Variants in PTPRT observed in about 807,000 individuals in gnomAD.
PTPRT encodes receptor-type tyrosine-protein phosphatase T.
A neutral mutation model predicts 176.8 loss-of-function variants in PTPRT; 56 were observed. That is an observed-to-expected ratio of 0.32 (90% CI 0.26 to 0.40). The LOEUF (loss-of-function observed/expected upper bound fraction) is 0.40, where lower values mean the gene tolerates loss of function less well. Ranked by LOEUF, PTPRT falls within the 10% of genes least tolerant of loss-of-function variation. The probability of loss-of-function intolerance (pLI) is 1.00; values close to 1 mark genes in which losing one functional copy is unlikely to be tolerated. For synonymous variants in PTPRT, 783 were observed against 739.0 expected (o/e 1.06, Z -0.96); for missense variants, 1,540 against 1,908.2 (o/e 0.81, Z 3.60).
At chr20:42,393,671 C>G (rs924315287) in intron 9 of PTPRT, among the ~76,000 whole-genome samples, 9 of 152,196 alleles carry the variant, frequency 5.9e-5, no homozygotes, top group Admixed American at 1.3e-4. Context: ...TATTCCTTAG[C>G]TATTTAACAT....
chr20:42,985,653 T>A (rs913218044), intron 1 of PTPRT, among the ~76,000 whole-genome samples: 10 of 152,110 alleles, frequency 6.6e-5, no homozygotes, highest in Admixed American at 1.3e-4. Flanking sequence ...ACAGACTTTT[T>A]AAAATTATAT....
At chr20:42,373,805 G>T (rs774449416) in intron 9 of PTPRT, among the ~76,000 whole-genome samples, 7 of 152,202 alleles carry the variant, frequency 4.6e-5, no homozygotes, top group Non-Finnish European at 1.0e-4. Flanking sequence ...TCCAAGTCCA[G>T]CTCTCCTTGC....
Position 43,189,680 on chromosome 20 carries a change from C to G in PTPRT, c.54G>C (p.Pro18=). 1 of 1,318,998 alleles carries G rather than the reference C, an allele frequency of 7.6e-7. No homozygotes were observed. Among genetic ancestry groups the G allele is most frequent in the Non-Finnish European group, 9.7e-7 (1 of 1,035,370 alleles). 81.7% of individuals were successfully genotyped at this position (1,318,998 alleles called of 1,614,324 possible). Residue 18 remains proline (P), a synonymous_variant, in exon 1 of 31, where the codon CCG becomes CCC. Coordinates refer to ENST00000373187, the MANE Select transcript of PTPRT (RefSeq NM_007050.6). The surrounding 1 kb of genome is among the most constrained non-coding windows in gnomAD (Gnocchi z 5.0). Reference sequence around the variant, plus strand: ...TCTGAGCCCGGGCGCCGGGCAGTGGCGGCAGCTGCAGCCTCAGGAGCAGGC... The same window carrying G: ...TCTGAGCCCGGGCGCCGGGCAGTGGGGGCAGCTGCAGCCTCAGGAGCAGGC... ...ALSLLLRLQL[P]PLPGARAQSA...
Position 42,072,918 on chromosome 20 carries a change from G to C in PTPRT, c.*7961C>G, listed in dbSNP as rs1167759831. 1 of 223,758 alleles carries C rather than the reference G, an allele frequency of 4.5e-6. No homozygotes were observed. Among genetic ancestry groups the C allele is most frequent in the Non-Finnish European group, 8.9e-6 (1 of 111,944 alleles). 13.9% of individuals were successfully genotyped at this position (223,758 alleles called of 1,614,324 possible). On this transcript the variant is annotated 3_prime_UTR_variant, in exon 31 of 31. Transcript: ENST00000373187. ...TAATGTACAGTCAAAAAATATATCT[G>C]ATATTCATTGACCTGACATTATTTA...
At chr20:42,948,725 G>T (rs1387773914) in intron 1 of PTPRT, among the ~76,000 whole-genome samples, 1 of 152,162 alleles carries the variant, frequency 6.6e-6, no homozygotes, top group East Asian at 1.9e-4. Context: ...CCCCACCCTA[G>T]AAGTTTCCAA....
At chr20:43,101,205 T>C (rs2012379996) in intron 1 of PTPRT, among the ~76,000 whole-genome samples, 1 of 152,130 alleles carries the variant, frequency 6.6e-6, no homozygotes, top group African/African-American at 2.4e-5. Context: ...TTCTTAACAA[T>C]AATACGGAAG....
intron 1 of PTPRT, among the ~76,000 whole-genome samples, chr20:42,993,127 T>C (rs1200262164): frequency 6.6e-6 from 1 of 151,984 alleles, no homozygotes; most frequent in African/African-American, 2.4e-5. Context: ...ACAGAAAATA[T>C]GTATTTGGCC....
intron 8 of PTPRT, 35 bp downstream of exon 8, chr20:42,472,231 C>G (rs1380884626): frequency 6.3e-7 from 1 of 1,597,086 alleles, no homozygotes; most frequent in Non-Finnish European, 8.5e-7. Context: ...GATTCAATAT[C>G]CCCATTCCCA....
intron 30 of PTPRT, among the ~76,000 whole-genome samples, chr20:42,081,339 A>C (rs1309450270): frequency 1.3e-5 from 2 of 152,198 alleles, no homozygotes; most frequent in Non-Finnish European, 2.9e-5. Context: ...CCACACGTTA[A>C]TATGGCCTCA....
At chr20:42,302,789 G>A (rs1035252473) in intron 12 of PTPRT, among the ~76,000 whole-genome samples, 1 of 152,184 alleles carries the variant, frequency 6.6e-6, no homozygotes, top group African/African-American at 2.4e-5. Context: ...TTACAGAGGA[G>A]CTCATGACCA....
At chr20:42,539,350 G>C (rs1047096547) in intron 7 of PTPRT, among the ~76,000 whole-genome samples, 2 of 149,446 alleles carry the variant, frequency 1.3e-5, no homozygotes, top group Non-Finnish European at 3.0e-5. Flanking sequence ...AAAAGTGGAG[G>C]ATCACCATCA....
At chr20:42,241,957 A>C (rs2056362697) in intron 14 of PTPRT, among the ~76,000 whole-genome samples, 1 of 152,178 alleles carries the variant, frequency 6.6e-6, no homozygotes. Flanking sequence ...TCCAAGTTTG[A>C]GACCCAACTC....
At chr20:42,130,319 T>C (rs1182894100) in intron 18 of PTPRT, among the ~76,000 whole-genome samples, 2 of 151,580 alleles carry the variant, frequency 1.3e-5, no homozygotes, top group Non-Finnish European at 2.9e-5. Flanking sequence ...GGTGGTGGAG[T>C]TGGCAGTGCT....
chr20:42,868,046 C>A (rs2078780441), intron 2 of PTPRT, among the ~76,000 whole-genome samples: 1 of 151,960 alleles, frequency 6.6e-6, no homozygotes, highest in Non-Finnish European at 1.5e-5. Flanking sequence ...GAAATTAATA[C>A]CGAGAAGTAG....
intron 1 of PTPRT, among the ~76,000 whole-genome samples, chr20:43,010,651 C>T (rs1037583763): frequency 1.3e-5 from 2 of 151,952 alleles, no homozygotes; most frequent in African/African-American, 2.4e-5. Context: ...ACATCATCAT[C>T]GCATTATCAT....
At chr20:42,805,799 A>T (rs1177755753) in intron 2 of PTPRT, among the ~76,000 whole-genome samples, 1 of 152,070 alleles carries the variant, frequency 6.6e-6, no homozygotes, top group Admixed American at 6.5e-5. Context: ...CATCACTTTT[A>T]TAGTATAGAT....
rs1486884879 is a variant in PTPRT at position 42,080,709 on chromosome 20, A to AC, written c.*169dup. ...GCAGCATCTCCCACGGCAACAGGAG[A>AC]CCCCTCAGAAGGTGCAGAGCCCCCC... On this transcript the variant is annotated 3_prime_UTR_variant, in exon 31 of 31. Coordinates refer to ENST00000373187, the MANE Select transcript of PTPRT (RefSeq NM_007050.6). The AC allele has an allele frequency of 5.6e-6, 3 of 535,966 alleles. No homozygotes were observed. The highest frequency in any genetic ancestry group is 9.8e-6 in the Non-Finnish European group (3 of 306,060). 33.2% of individuals were successfully genotyped at this position (535,966 alleles called of 1,614,324 possible). A position where few individuals can be genotyped will look rare whatever the true frequency, so the allele number is the denominator to read the frequency against.
chr20:42,114,981 G>C (rs1372116113), intron 22 of PTPRT, among the ~76,000 whole-genome samples: 1 of 152,086 alleles, frequency 6.6e-6, no homozygotes, highest in East Asian at 1.9e-4. Context: ...ACAATGTGTT[G>C]TTATTTCATT....
chr20:42,171,743 T>C (rs892816865), intron 16 of PTPRT, among the ~76,000 whole-genome samples: 11 of 152,084 alleles, frequency 7.2e-5, no homozygotes, highest in Admixed American at 3.3e-4. Flanking sequence ...TTGTTACTTG[T>C]TTGATAGAAG....
Sources: gnomAD v4.1 joint callset for allele counts (sites outside exome capture counted in the v4.1 genomes callset) on GRCh38, gnomAD v4.1.1 for gene constraint, Gnocchi (gnomAD v3.1) non-coding constraint, MANE v1.5 for transcripts, NCBI Gene and HGNC (gene_info 2026-07-23, HGNC 2026-07-21) for gene names.